The following PDE3A variants were observed in gnomAD, a reference collection of about 807,000 sequenced individuals.
PDE3A encodes the protein cGMP-inhibited 3',5'-cyclic phosphodiesterase 3A.
Under a neutral mutation model 98.3 loss-of-function variants are expected in PDE3A, and 43 were observed. The ratio of observed to expected loss-of-function variants is 0.44; its 90% CI spans 0.34 to 0.56. PDE3A has a LOEUF of 0.56. Among genes scored for constraint, PDE3A ranks in the 20% least tolerant of loss-of-function variants. PDE3A has a pLI of 0.01. For missense variants in PDE3A, 1,427 were observed against 1,440.7 expected, an observed-to-expected ratio of 0.99 and a Z score of 0.15; for synonymous variants, 663 against 567.9, an observed-to-expected ratio of 1.17 and a Z score of -2.38.
intron 2 of PDE3A, among the ~76,000 whole-genome samples, chr12:20,586,992 C>T (rs758352315): frequency 5.9e-5 from 9 of 152,082 alleles, no homozygotes; most frequent in Non-Finnish European, 1.2e-4. Flanking sequence ...ATGGTATTTG[C>T]TCATTTGCAG....
intron 2 of PDE3A, among the ~76,000 whole-genome samples, chr12:20,588,474 C>T (rs1266561015): frequency 6.6e-6 from 1 of 152,144 alleles, no homozygotes; most frequent in Non-Finnish European, 1.5e-5. Flanking sequence ...ATATTCTCTC[C>T]AGAAGGACTT....
At chr12:20,514,324 AAT>A (rs34746487) in intron 1 of PDE3A, among the ~76,000 whole-genome samples, 49,868 of 151,654 alleles carry the variant, frequency 0.33, 8,438 homozygotes, top group East Asian at 0.53. Context: ...TGAAAGGAAA[AAT>A]GTCTTCTTTT....
At chr12:20,636,575 A>C (rs906304592) in intron 8 of PDE3A, among the ~76,000 whole-genome samples, 1 of 152,180 alleles carries the variant, frequency 6.6e-6, no homozygotes, top group African/African-American at 2.4e-5. Context: ...TTGTTATTCT[A>C]TAGGATTAAT....
intron 2 of PDE3A, among the ~76,000 whole-genome samples, chr12:20,565,845 C>T (rs1391836414): frequency 6.6e-6 from 1 of 151,734 alleles, no homozygotes; most frequent in Non-Finnish European, 1.5e-5. Flanking sequence ...ATTTATGGTA[C>T]AGGAATTTTT....
At chr12:20,559,670 C>CA (rs147667067) in intron 2 of PDE3A, among the ~76,000 whole-genome samples, 21,820 of 137,606 alleles carry the variant, frequency 0.16, 1,666 homozygotes, top group South Asian at 0.22. Context: ...GACCCCATAT[C>CA]AAAAAAAAAA....
At chr12:20,598,648 C>G (rs1469093205) in intron 2 of PDE3A, among the ~76,000 whole-genome samples, 3 of 152,142 alleles carry the variant, frequency 2.0e-5, no homozygotes, top group African/African-American at 7.2e-5. Flanking sequence ...TATTAACTCA[C>G]AAGTGAATTA....
intron 2 of PDE3A, among the ~76,000 whole-genome samples, chr12:20,579,861 G>A (rs901509053): frequency 6.6e-6 from 1 of 152,136 alleles, no homozygotes; most frequent in Non-Finnish European, 1.5e-5. Flanking sequence ...AGACTGCAGA[G>A]AAAACAATTG....
At position 20,508,441 on chromosome 12, in the gene PDE3A, GAT is replaced by G. The variant is rs891722172; in HGVS notation, c.961-48216_961-48215del. Among the ~76,000 whole-genome samples the G allele has an allele frequency of 8.7e-5, 13 of 149,298 alleles. No individual in the cohort carries two copies. In the East Asian group the frequency reaches 2.3e-3, roughly 27 times the overall value. ...TTTTTTTTTTTTAGTTTTGTCCTCT[GAT>G]ATTTCCCAATCATCTAGAACAGTGT... On this transcript the variant is annotated intron_variant, in intron 1 of 15. Coordinates refer to ENST00000359062, the MANE Select transcript of PDE3A (RefSeq NM_000921.5).
At chr12:20,636,330 T>A (rs988444902) in intron 8 of PDE3A, among the ~76,000 whole-genome samples, 1 of 152,212 alleles carries the variant, frequency 6.6e-6, no homozygotes, top group Non-Finnish European at 1.5e-5. Context: ...GCTGCTATTA[T>A]CATTTTTCTT....
In PDE3A at chr12:20,584,940, G is replaced by C. The variant is rs78032633; in HGVS notation, c.1011+28230G>C. Among the ~76,000 whole-genome samples, 412 of 152,162 alleles carry C rather than the reference G, an allele frequency of 2.7e-3. 2 individuals are homozygous for C. Among genetic ancestry groups the C allele is most frequent in the African/African-American group, 9.5e-3 (394 of 41,512 alleles). On this transcript the variant is annotated intron_variant, in intron 2 of 15. Coordinates refer to ENST00000359062, the MANE Select transcript of PDE3A (RefSeq NM_000921.5). ...TTTCACTTAAAGGTAGTTATGATTA[G>C]GCAAGGCACTCAGAACATTTTTCAC...
rs577953536 is a variant in PDE3A at position 20,635,430 on chromosome 12, T to C, written c.2001+374T>C. The stretch of plus-strand genomic sequence containing the variant: ...CTAAAAATACCAAAATTACCAAAAT[T>C]AGCCGGGCGTGGTGGCACGCACCTG... On this transcript the variant is annotated intron_variant, in intron 8 of 15. Transcript: ENST00000359062. Among the ~76,000 whole-genome samples, 10 of 152,054 alleles carry C rather than the reference T, an allele frequency of 6.6e-5. No homozygotes were observed. The East Asian group carries it at 1.9e-3, about 30-fold the overall frequency.
At chr12:20,528,748 C>T (rs753770663) in intron 1 of PDE3A, among the ~76,000 whole-genome samples, 6 of 152,060 alleles carry the variant, frequency 3.9e-5, no homozygotes, top group South Asian at 2.1e-4. Flanking sequence ...TTATGACAGA[C>T]GCTAGGGGTA....
At chr12:20,621,450 G>A (rs754588495) in intron 5 of PDE3A, 39 bp downstream of exon 5, 8 of 1,071,136 alleles carry the variant, frequency 7.5e-6, no homozygotes, top group Non-Finnish European at 1.2e-5. Flanking sequence ...TACTGTGAGT[G>A]TGGAGTTCTA....
At chr12:20,508,511 TGAGTA>T (rs1382179282) in intron 1 of PDE3A, among the ~76,000 whole-genome samples, 2 of 151,970 alleles carry the variant, frequency 1.3e-5, no homozygotes, top group Admixed American at 6.6e-5. Context: ...TGGAATGATT[TGAGTA>T]AACAGCAATT....
chr12:20,570,730 A>G (rs1006660415), intron 2 of PDE3A, among the ~76,000 whole-genome samples: 14 of 152,096 alleles, frequency 9.2e-5, no homozygotes, highest in Non-Finnish European at 1.8e-4. Flanking sequence ...AATCTCCTAA[A>G]TTATTGTGTG....
At chr12:20,370,268 C>T (rs1943442684) in intron 1 of PDE3A, 24 bp downstream of exon 1, 1 of 1,495,180 alleles carries the variant, frequency 6.7e-7, no homozygotes, top group Non-Finnish European at 8.9e-7. Context: ...ACTCCTCTCT[C>T]GGCTCTTGGA....
chr12:20,565,857 T>C (rs1437285470), intron 2 of PDE3A, among the ~76,000 whole-genome samples: 1 of 151,944 alleles, frequency 6.6e-6, no homozygotes, highest in East Asian at 1.9e-4. Flanking sequence ...GGAATTTTTC[T>C]TTACAGCCAC....
At chr12:20,385,286 G>A (rs946340777) in intron 1 of PDE3A, among the ~76,000 whole-genome samples, 15 of 152,116 alleles carry the variant, frequency 9.9e-5, no homozygotes, top group Admixed American at 7.2e-4. Flanking sequence ...AAGTCAGGAA[G>A]CGACAGGTGC....
rs1202499496 is a variant in PDE3A, at chr12:20,408,060, A to G, written c.960+37816A>G. Among the ~76,000 whole-genome samples the G allele has an allele frequency of 7.2e-5, 11 of 152,162 alleles. No homozygotes were observed. In the East Asian group the frequency reaches 1.7e-3, roughly 24 times the overall value. On this transcript the variant is annotated intron_variant, in intron 1 of 15. Transcript: ENST00000359062. The stretch of plus-strand genomic sequence containing the variant: ...CTCTGCATCCTAAGTAGCTGGGACT[A>G]CAGGTGCGCGCCACCACGCCCAGCT...
Sources: allele counts gnomAD v4.1 joint callset (sites outside exome capture counted in the v4.1 genomes callset), GRCh38; gene constraint gnomAD v4.1.1; transcripts MANE v1.5; gene names NCBI Gene and HGNC (gene_info 2026-07-23, HGNC 2026-07-21).